The following EYS variants were observed in gnomAD, a reference collection of about 807,000 sequenced individuals.
EYS encodes protein eyes shut homolog.
A neutral mutation model predicts 282.1 loss-of-function variants in EYS; 250 were observed. The observed-to-expected ratio is 0.89, with a 90% CI of 0.80 to 0.98. EYS has a LOEUF of 0.98. Among genes scored for constraint, EYS ranks in the 50% least tolerant of loss-of-function variants. The pLI is 0.00. For synonymous variants in EYS, 1,355 were observed against 1,282.9 expected (o/e 1.06, Z -1.20); for missense variants, 4,016 against 3,709.0 (o/e 1.08, Z -2.15).
At chr6:65,486,646 G>C (rs988483323) in intron 5 of EYS, among the ~76,000 whole-genome samples, 1 of 152,174 alleles carries the variant, frequency 6.6e-6, no homozygotes, top group Non-Finnish European at 1.5e-5. Context: ...AGCTGGGCTT[G>C]TGGGAAGCAT....
chr6:64,000,500 G>T (rs2149803686), intron 33 of EYS, among the ~76,000 whole-genome samples: 1 of 151,622 alleles, frequency 6.6e-6, no homozygotes, highest in South Asian at 2.1e-4. Flanking sequence ...GAGCCCGGCA[G>T]GACTTTTAGT....
intron 39 of EYS, among the ~76,000 whole-genome samples, chr6:63,780,644 A>G (rs1374247972): frequency 2.0e-5 from 3 of 152,204 alleles, no homozygotes; most frequent in South Asian, 4.1e-4. Flanking sequence ...GATTCTGGAT[A>G]TTAGCCTTTT....
At chr6:65,560,068 CTATAT>C (rs1219221039) in intron 2 of EYS, among the ~76,000 whole-genome samples, 1 of 149,794 alleles carries the variant, frequency 6.7e-6, no homozygotes. Flanking sequence ...TGATCATATC[CTATAT>C]TATATCTATT....
At chr6:64,042,284 A>G (rs1345327907) in intron 33 of EYS, among the ~76,000 whole-genome samples, 1 of 152,198 alleles carries the variant, frequency 6.6e-6, no homozygotes, top group African/African-American at 2.4e-5. Context: ...AATCTTTACA[A>G]TTTTTACATA....
intron 36 of EYS, among the ~76,000 whole-genome samples, chr6:63,834,441 C>G (rs1002649303): frequency 2.0e-5 from 3 of 152,060 alleles, no homozygotes; most frequent in African/African-American, 7.2e-5. Context: ...AGGCAACAGA[C>G]ACATGAAAAA....
chr6:63,808,401 G>T (rs1207909917), intron 36 of EYS, among the ~76,000 whole-genome samples: 1 of 152,144 alleles, frequency 6.6e-6, no homozygotes, highest in African/African-American at 2.4e-5. Flanking sequence ...AAGTAGTTGG[G>T]CAATGATCAA....
intron 26 of EYS, among the ~76,000 whole-genome samples, chr6:64,440,620 G>T (rs577762408): frequency 6.6e-6 from 1 of 151,764 alleles, no homozygotes; most frequent in African/African-American, 2.4e-5. Context: ...CCCATGTAGC[G>T]TTTCAATGGT....
intron 22 of EYS, among the ~76,000 whole-genome samples, chr6:64,656,038 T>C (rs980626870): frequency 3.3e-5 from 5 of 152,188 alleles, no homozygotes; most frequent in African/African-American, 1.2e-4. Flanking sequence ...TATGTTTGCT[T>C]CTATTTTCTC....
Position 64,123,584 on chromosome 6 carries a change from G to A in EYS, c.6425-41582C>T, listed in dbSNP as rs116709943. On this transcript the variant is annotated intron_variant, in intron 31 of 42. Transcript: ENST00000503581. ...GGTTTGGGAGAAAGACAGCTTTATC[G>A]TTCCTAACTGCCAGCTCTGTACTTG... 3.2e-3 allele frequency among the ~76,000 whole-genome samples: 490 copies of A among 152,164 alleles called. 2 individuals carry two copies. Among genetic ancestry groups the A allele is most frequent in the African/African-American group, 0.01 (426 of 41,528 alleles).
intron 12 of EYS, among the ~76,000 whole-genome samples, chr6:65,074,357 T>C (rs1258655194): frequency 6.6e-6 from 1 of 151,942 alleles, no homozygotes; most frequent in African/African-American, 2.4e-5. Context: ...ATTATTGTCC[T>C]GAATGAATTC....
chr6:64,719,144 C>G (rs1771491150), intron 22 of EYS, among the ~76,000 whole-genome samples: 1 of 152,090 alleles, frequency 6.6e-6, no homozygotes, highest in Non-Finnish European at 1.5e-5. Context: ...TACGGACAGG[C>G]TCCAGGATAA....
At position 64,832,762 on chromosome 6, in the gene EYS, T is replaced by A. The variant is rs368785618; in HGVS notation, c.2993-9940A>T. Among the ~76,000 whole-genome samples the A allele has an allele frequency of 1.1e-4, 16 of 152,046 alleles. 1 individual carries two copies. In the South Asian group the frequency reaches 1.7e-3, roughly 16 times the overall value. On this transcript the variant is annotated intron_variant, in intron 19 of 42. Transcript: ENST00000503581. The stretch of plus-strand genomic sequence containing the variant: ...CACATATTAAATGTATGTAGTGTTT[T>A]TGGATATCCATTGTATCTCACGAAG...
intron 12 of EYS, among the ~76,000 whole-genome samples, chr6:65,066,961 G>C (rs927103787): frequency 6.6e-6 from 1 of 152,110 alleles, no homozygotes; most frequent in African/African-American, 2.4e-5. Flanking sequence ...AAACGACAGA[G>C]GAGAGAAAGG....
intron 35 of EYS, among the ~76,000 whole-genome samples, chr6:63,983,287 A>G (rs369397934): frequency 6.6e-6 from 1 of 151,730 alleles, no homozygotes; most frequent in East Asian, 1.9e-4. Flanking sequence ...ATTTCTAGAC[A>G]CTCTAAGAAA....
chr6:63,865,771 A>G (rs932709490), intron 35 of EYS, among the ~76,000 whole-genome samples: 7 of 152,238 alleles, frequency 4.6e-5, no homozygotes, highest in African/African-American at 1.7e-4. Context: ...TTTTCATCAT[A>G]ATGAGACCTG....
chr6:63,794,972 T>C (rs904217430), intron 37 of EYS, among the ~76,000 whole-genome samples: 2 of 152,004 alleles, frequency 1.3e-5, no homozygotes, highest in Non-Finnish European at 2.9e-5. Context: ...GTGCAAGTAG[T>C]AAAAAGAGGA....
intron 24 of EYS, among the ~76,000 whole-genome samples, chr6:64,598,318 G>A (rs1446958984): frequency 1.3e-5 from 2 of 152,080 alleles, no homozygotes; most frequent in African/African-American, 2.4e-5. Context: ...AAAATTAGCC[G>A]GCCTTGGTGG....
intron 22 of EYS, among the ~76,000 whole-genome samples, chr6:64,702,555 A>G (rs9351383): frequency 0.68 from 103,295 of 151,852 alleles, 36,192 homozygotes; most frequent in Middle Eastern, 0.77. Context: ...ATTTAAACAG[A>G]TCTGAAAAAA....
intron 24 of EYS, among the ~76,000 whole-genome samples, chr6:64,612,714 C>G (rs1478441099): frequency 2.6e-5 from 4 of 152,026 alleles, no homozygotes; most frequent in Admixed American, 1.3e-4. Context: ...CATCTCCCTA[C>G]CCAGCAGGGA....
Sources: allele counts gnomAD v4.1 joint callset (sites outside exome capture counted in the v4.1 genomes callset), GRCh38; gene constraint gnomAD v4.1.1; transcripts MANE v1.5; gene names NCBI Gene and HGNC (gene_info 2026-07-23, HGNC 2026-07-21).